TAFA4: variants seen among roughly 807,000 people sequenced by gnomAD.
TAFA4 encodes chemokine-like protein TAFA-4.
TAFA4 carries 20 observed loss-of-function variants against 21.1 expected under a neutral mutation model. The observed-to-expected ratio is 0.95, with a 90% CI of 0.67 to 1.38. The LOEUF (loss-of-function observed/expected upper bound fraction) is 1.38, where lower values mean the gene tolerates loss of function less well. TAFA4 is among the 40% of genes most tolerant of loss of function. The pLI, the probability that TAFA4 is intolerant of heterozygous loss-of-function variation, is 0.00. For synonymous variants in TAFA4, 71 were observed against 67.4 expected, an observed-to-expected ratio of 1.05 and a Z score of -0.26; for missense variants, 211 against 180.9, an observed-to-expected ratio of 1.17 and a Z score of -0.95.
chr3:68,845,601 T>C (rs1704769648), intron 3 of TAFA4, among the ~76,000 whole-genome samples: 1 of 152,234 alleles, frequency 6.6e-6, no homozygotes, highest in Non-Finnish European at 1.5e-5. Flanking sequence ...TTGATGCAGT[T>C]TCTTCATAGT....
intron 5 of TAFA4, among the ~76,000 whole-genome samples, chr3:68,736,237 G>A (rs1166820623): frequency 3.3e-5 from 5 of 151,788 alleles, no homozygotes; most frequent in Non-Finnish European, 7.4e-5. Context: ...CTCACCGAAT[G>A]CAGCAAAACC....
intron 3 of TAFA4, among the ~76,000 whole-genome samples, chr3:68,795,420 C>T (rs553087054): frequency 1.3e-5 from 2 of 152,138 alleles, no homozygotes; most frequent in South Asian, 2.1e-4. Flanking sequence ...CATATGACCC[C>T]AACCTAAGAT....
At chr3:68,763,610 T>C (rs1230236534) in intron 3 of TAFA4, among the ~76,000 whole-genome samples, 1 of 152,090 alleles carries the variant, frequency 6.6e-6, no homozygotes, top group Non-Finnish European at 1.5e-5. Context: ...TTAAGATATC[T>C]AAAAACCTCC....
chr3:68,773,249 C>T (rs954636708), intron 3 of TAFA4, among the ~76,000 whole-genome samples: 1 of 152,130 alleles, frequency 6.6e-6, no homozygotes, highest in African/African-American at 2.4e-5. Context: ...ACTAGAATGA[C>T]TCATCGAACT....
At position 68,758,887 on chromosome 3, in the gene TAFA4, T is replaced by G. The variant is rs528139526; in HGVS notation, c.131-5869A>C. Among the ~76,000 whole-genome samples the G allele has an allele frequency of 2.6e-5, 4 of 152,274 alleles. No homozygotes were observed. In the South Asian group the frequency reaches 8.3e-4, roughly 32 times the overall value. ...AAATAGGACCAACTGGATGTATACA[T>G]GGAGAAAAAGAGAAGTATTTTAAGG... On this transcript the variant is annotated intron_variant, in intron 3 of 5. Transcript: ENST00000295569.
At chr3:68,908,620 A>G (rs6791148) in intron 1 of TAFA4, among the ~76,000 whole-genome samples, 22 of 152,356 alleles carry the variant, frequency 1.4e-4, no homozygotes, top group South Asian at 8.3e-4. Context: ...GTTTAAAACT[A>G]TAAGTGGACA....
At chr3:68,733,232 G>A (rs2106717329) in intron 5 of TAFA4, 79 bp from the exon 6 acceptor site, 2 of 1,534,904 alleles carry the variant, frequency 1.3e-6, no homozygotes, top group South Asian at 1.2e-5. Flanking sequence ...AGACCAATAA[G>A]GTCCTGACTG....
At chr3:68,848,967 A>G (rs1704877108) in intron 3 of TAFA4, among the ~76,000 whole-genome samples, 1 of 152,198 alleles carries the variant, frequency 6.6e-6, no homozygotes, top group Non-Finnish European at 1.5e-5. Flanking sequence ...GAGAAAAATA[A>G]ACACACTCCT....
In TAFA4 at chr3:68,871,815, A is replaced by C. The variant is rs531701313; in HGVS notation, c.130+8915T>G. On this transcript the variant is annotated intron_variant, in intron 3 of 5. Coordinates refer to ENST00000295569, the MANE Select transcript of TAFA4 (RefSeq NM_182522.5). ...ATATGAAAAAATGCTCAGCATCACTAATCAACAGGGAAATGCAAGTCAAAA... is the reference window on the plus strand; with the variant it reads ...ATATGAAAAAATGCTCAGCATCACTCATCAACAGGGAAATGCAAGTCAAAA... Among the ~76,000 whole-genome samples the C allele has an allele frequency of 2.6e-5, 4 of 152,232 alleles. No individual in the cohort carries two copies. The East Asian group carries it at 5.8e-4, about 22-fold the overall frequency.
intron 3 of TAFA4, among the ~76,000 whole-genome samples, chr3:68,860,131 T>A (rs1405111121): frequency 6.6e-6 from 1 of 152,146 alleles, no homozygotes; most frequent in Non-Finnish European, 1.5e-5. Flanking sequence ...GTTTATCGAC[T>A]TCCTTTCCCC....
intron 3 of TAFA4, among the ~76,000 whole-genome samples, chr3:68,874,899 G>A (rs565081351): frequency 1.4e-4 from 21 of 152,282 alleles, no homozygotes; most frequent in Admixed American, 3.9e-4. Context: ...GAGGAGGTGA[G>A]AAGAAGCCAA....
At chr3:68,859,265 T>G (rs956476243) in intron 3 of TAFA4, among the ~76,000 whole-genome samples, 2 of 152,196 alleles carry the variant, frequency 1.3e-5, no homozygotes, top group African/African-American at 4.8e-5. Context: ...GGAAAAATTA[T>G]GTATCACTGA....
At chr3:68,803,038 T>G (rs1461524626) in intron 3 of TAFA4, among the ~76,000 whole-genome samples, 1 of 152,212 alleles carries the variant, frequency 6.6e-6, no homozygotes, top group Non-Finnish European at 1.5e-5. Flanking sequence ...TGTTCCCTTC[T>G]TCCTAATTCA....
At chr3:68,808,557 C>G (rs940399665) in intron 3 of TAFA4, among the ~76,000 whole-genome samples, 2 of 152,156 alleles carry the variant, frequency 1.3e-5, no homozygotes, top group Non-Finnish European at 2.9e-5. Flanking sequence ...TGAGCAGTCC[C>G]AAATTCTATC....
chr3:68,795,001 TACACACAC>T (rs3048125), intron 3 of TAFA4, among the ~76,000 whole-genome samples: 25 of 143,980 alleles, frequency 1.7e-4, no homozygotes, highest in African/African-American at 4.9e-4. Flanking sequence ...TGTGTCTCAA[TACACACAC>T]ACACACACAC....
At chr3:68,843,324 C>T (rs760615525) in intron 3 of TAFA4, among the ~76,000 whole-genome samples, 2 of 151,994 alleles carry the variant, frequency 1.3e-5, no homozygotes, top group Non-Finnish European at 2.9e-5. Flanking sequence ...TGATTTGGCT[C>T]TCTGTCTATT....
intron 3 of TAFA4, among the ~76,000 whole-genome samples, chr3:68,758,005 C>G (rs1032283933): frequency 6.6e-6 from 1 of 151,986 alleles, no homozygotes; most frequent in African/African-American, 2.4e-5. Flanking sequence ...CCGATTTTAT[C>G]TTTAAGAAAA....
intron 3 of TAFA4, among the ~76,000 whole-genome samples, chr3:68,811,007 T>C (rs989900016): frequency 6.6e-6 from 1 of 152,184 alleles, no homozygotes; most frequent in African/African-American, 2.4e-5. Context: ...CAACATTTGC[T>C]GTTCACCAAT....
intron 3 of TAFA4, among the ~76,000 whole-genome samples, chr3:68,878,975 C>G (rs558419430): frequency 6.6e-6 from 1 of 152,240 alleles, no homozygotes; most frequent in South Asian, 2.1e-4. Flanking sequence ...TCTTCTGTGT[C>G]TCTTAGCCAG....
Sources: allele counts gnomAD v4.1 joint callset (sites outside exome capture counted in the v4.1 genomes callset), GRCh38; gene constraint gnomAD v4.1.1; transcripts MANE v1.5; gene names NCBI Gene and HGNC (gene_info 2026-07-23, HGNC 2026-07-21).